EIF3H: variants seen among roughly 807,000 people sequenced by gnomAD.
The protein encoded by EIF3H is eIF-3-gamma.
A neutral mutation model predicts 44.2 loss-of-function variants in EIF3H; 26 were observed. That is an observed-to-expected ratio of 0.59 (90% CI 0.43 to 0.82). The LOEUF (loss-of-function observed/expected upper bound fraction) is 0.82. EIF3H is among the 40% of genes least tolerant of loss of function. The pLI is 0.00. For missense variants in EIF3H, 359 were observed against 432.8 expected (o/e 0.83, Z 1.51); for synonymous variants, 166 against 151.9 (o/e 1.09, Z -0.68).
At chr8:116,740,163 C>T (rs1303060986) in intron 1 of EIF3H, among the ~76,000 whole-genome samples, 1 of 152,196 alleles carries the variant, frequency 6.6e-6, no homozygotes, top group African/African-American at 2.4e-5. Flanking sequence ...GAATCAGTAA[C>T]ATTAAGCACG....
chr8:116,720,385 C>T (rs1814724684), intron 2 of EIF3H, among the ~76,000 whole-genome samples: 1 of 152,052 alleles, frequency 6.6e-6, no homozygotes, highest in Non-Finnish European at 1.5e-5. Flanking sequence ...TGCCTGCCAC[C>T]ATCTAAGACA....
At position 116,650,522 on chromosome 8, in the gene EIF3H, T is replaced by C. The variant is rs528560112; in HGVS notation, c.708-1596A>G. On this transcript the variant is annotated intron_variant, in intron 5 of 7. Coordinates refer to ENST00000521861, the MANE Select transcript of EIF3H (RefSeq NM_003756.3). The stretch of plus-strand genomic sequence containing the variant: ...AAAATTCCATCAAATGATGAATAGA[T>C]AAATAAAATATTATATATCCATACA... 2.6e-5 allele frequency among the ~76,000 whole-genome samples: 4 copies of C among 152,304 alleles called. No homozygotes were observed. In the South Asian group the frequency reaches 8.3e-4, roughly 32 times the overall value.
chr8:116,648,484 A>G (rs192291186), intron 6 of EIF3H, among the ~76,000 whole-genome samples: 1 of 152,108 alleles, frequency 6.6e-6, no homozygotes, highest in Non-Finnish European at 1.5e-5. Context: ...CTGCCAAACC[A>G]ATTATAGTTA....
intron 1 of EIF3H, among the ~76,000 whole-genome samples, chr8:116,753,311 C>G (rs1815389450): frequency 6.6e-6 from 1 of 152,082 alleles, no homozygotes; most frequent in Non-Finnish European, 1.5e-5. Context: ...CTAAGTTCGT[C>G]AAGAATCTGG....
chr8:116,646,562 G>A lies in EIF3H; in HGVS notation c.870C>T (p.Ser290=). The A allele has an allele frequency of 6.2e-7, 1 of 1,614,122 alleles. No homozygotes were observed. The highest frequency in any genetic ancestry group is 8.5e-7 in the Non-Finnish European group (1 of 1,180,010). Residue 290 remains serine (S), a synonymous_variant, in exon 7 of 8, where the codon AGC becomes AGT. Coordinates refer to ENST00000521861, the MANE Select transcript of EIF3H (RefSeq NM_003756.3). The part of the protein sequence containing the change: ...RRQQENMQRQ[S]RGEPPLPEED... ...CCTCAGGGAGCGGGGGTTCTCCTCG[G>A]CTCTGGCGCTGCATATTCTCCTGCT...
intron 5 of EIF3H, among the ~76,000 whole-genome samples, chr8:116,649,282 A>C (rs1813352336): frequency 6.6e-6 from 1 of 152,178 alleles, no homozygotes; most frequent in South Asian, 2.1e-4. Context: ...CTCCTGCCCA[A>C]ATGCATTCCA....
intron 2 of EIF3H, among the ~76,000 whole-genome samples, chr8:116,725,040 C>T (rs749342848): frequency 2.0e-5 from 3 of 152,208 alleles, no homozygotes; most frequent in African/African-American, 4.8e-5. Flanking sequence ...AAACTTCCAT[C>T]GCCAGATGGC....
At chr8:116,700,999 A>T (rs562458812) in intron 2 of EIF3H, among the ~76,000 whole-genome samples, 1,780 of 152,286 alleles carry the variant, frequency 0.012, 35 homozygotes, top group African/African-American at 0.04. Context: ...ACTTTATTCT[A>T]ATCAGTTCTC....
intron 3 of EIF3H, 139 bp downstream of exon 3, chr8:116,658,674 C>T: frequency 1.4e-6 from 1 of 736,828 alleles, no homozygotes; most frequent in Non-Finnish European, 2.1e-6. Context: ...GACTGAGCTG[C>T]TGCTGAGGCT....
At chr8:116,728,881 A>G (rs1257751542) in intron 1 of EIF3H, among the ~76,000 whole-genome samples, 2 of 152,212 alleles carry the variant, frequency 1.3e-5, no homozygotes, top group East Asian at 3.8e-4. Context: ...TAAAAATGAC[A>G]CAGTATAGAG....
chr8:116,662,005 A>G (rs1813593526), intron 2 of EIF3H, among the ~76,000 whole-genome samples: 1 of 152,182 alleles, frequency 6.6e-6, no homozygotes, highest in South Asian at 2.1e-4. Flanking sequence ...TTCCTCTTCC[A>G]TGGTTTAGAA....
chr8:116,657,442 C>T, intron 3 of EIF3H, 128 bp from the exon 4 acceptor site: 1 of 683,700 alleles, frequency 1.5e-6, no homozygotes, highest in South Asian at 1.8e-5. Context: ...AATAAACAAC[C>T]AGAACACAAC....
chr8:116,699,986 A>G lies in EIF3H; in HGVS notation c.289+26030T>C, dbSNP rs186359341. ...CACCATGGCTAATTTTGCATTTTTT[A>G]GTAGAGACAGTGTTTCTCCATGTTG... is the stretch of plus-strand genomic sequence containing the variant. On this transcript the variant is annotated intron_variant, in intron 2 of 7. Coordinates refer to ENST00000521861, the MANE Select transcript of EIF3H (RefSeq NM_003756.3). Among the ~76,000 whole-genome samples the G allele has an allele frequency of 1.2e-3, 180 of 152,294 alleles. 1 individual carries two copies. Among genetic ancestry groups the G allele is most frequent in the Admixed American group, 0.01 (155 of 15,290 alleles).
intron 2 of EIF3H, among the ~76,000 whole-genome samples, chr8:116,679,771 G>GC (rs1813935655): frequency 7.4e-5 from 1 of 13,454 alleles, no homozygotes; most frequent in Non-Finnish European, 1.9e-4. Flanking sequence ...GGGGGGGTCA[G>GC]CCCCCCGCCC....
intron 2 of EIF3H, among the ~76,000 whole-genome samples, chr8:116,710,363 A>G (rs1814553085): frequency 6.6e-6 from 1 of 152,104 alleles, no homozygotes; most frequent in South Asian, 2.1e-4. Flanking sequence ...CCCCTACCCT[A>G]CCCAGCTTGA....
At chr8:116,689,115 T>G (rs1814129796) in intron 2 of EIF3H, 2 of 449,826 alleles carry the variant, frequency 4.4e-6, no homozygotes, top group African/African-American at 2.0e-5. Context: ...AACGAAGTTC[T>G]GATGTATGCT....
At chr8:116,718,224 T>C (rs1028640973) in intron 2 of EIF3H, among the ~76,000 whole-genome samples, 1 of 152,034 alleles carries the variant, frequency 6.6e-6, no homozygotes, top group African/African-American at 2.4e-5. Flanking sequence ...AAAAAAATTA[T>C]AGATGTTGGC....
chr8:116,664,349 T>C (rs1170022254), intron 2 of EIF3H, among the ~76,000 whole-genome samples: 6 of 152,220 alleles, frequency 3.9e-5, no homozygotes, highest in African/African-American at 9.6e-5. Flanking sequence ...GAAAATAATA[T>C]GCTGTCTTAC....
At chr8:116,665,940 A>G (rs1487596860) in intron 2 of EIF3H, among the ~76,000 whole-genome samples, 1 of 152,212 alleles carries the variant, frequency 6.6e-6, no homozygotes, top group East Asian at 1.9e-4. Context: ...TGGAGTACAC[A>G]AGTTTCTTAA....
Sources: gnomAD v4.1 joint callset for allele counts (sites outside exome capture counted in the v4.1 genomes callset) on GRCh38, gnomAD v4.1.1 for gene constraint, MANE v1.5 for transcripts, NCBI Gene and HGNC (gene_info 2026-07-23, HGNC 2026-07-21) for gene names.